The following CTNS variants were observed in gnomAD, a reference collection of about 807,000 sequenced individuals.
CTNS encodes the protein cystinosin, lysosomal cystine transporter.
CTNS carries 27 observed loss-of-function variants against 43.7 expected under a neutral mutation model. That is an observed-to-expected ratio of 0.62 (90% CI 0.46 to 0.85). The LOEUF is 0.85. Among genes scored for constraint, CTNS ranks in the 40% least tolerant of loss-of-function variants. The probability of loss-of-function intolerance (pLI) is 0.00; values close to 1 mark genes in which losing one functional copy is unlikely to be tolerated. For missense variants in CTNS, 457 were observed against 475.4 expected (o/e 0.96, Z 0.36); for synonymous variants, 187 against 190.6 (o/e 0.98, Z 0.16).
At chr17:3,654,977 G>T in intron 5 of CTNS, 21 bp from the exon 6 acceptor site, 2 of 1,569,928 alleles carry the variant, frequency 1.3e-6, no homozygotes, top group South Asian at 2.2e-5. Flanking sequence ...GCATCGGATT[G>T]AACCTCAGTC....
chr17:3,651,973 C>A (rs373517031), intron 5 of CTNS, among the ~76,000 whole-genome samples: 565 of 117,674 alleles, frequency 4.8e-3, no homozygotes, highest in Non-Finnish European at 6.0e-3. Context: ...GACCCTGTCT[C>A]AAAAAAAAAG....
At chr17:3,639,525 G>A (rs182932716) in intron 2 of CTNS, among the ~76,000 whole-genome samples, 143 of 152,044 alleles carry the variant, frequency 9.4e-4, no homozygotes, top group African/African-American at 3.3e-3. Flanking sequence ...AAAGTTAGCC[G>A]GGCATGGTGG....
At chr17:3,659,771 T>C in intron 10 of CTNS, 87 bp from the exon 11 acceptor site, 2 of 948,488 alleles carry the variant, frequency 2.1e-6, no homozygotes, top group South Asian at 1.3e-5. Context: ...GAGAACCGCT[T>C]TTGTTTGGAG....
At chr17:3,659,194 G>GC (rs201960729) in intron 10 of CTNS, among the ~76,000 whole-genome samples, 7,863 of 152,090 alleles carry the variant, frequency 0.052, 281 homozygotes, top group Admixed American at 0.082. Flanking sequence ...CTGCCTCACG[G>GC]GGGGAAGGAA....
At chr17:3,657,475 C>T (rs1054329791) in intron 9 of CTNS, among the ~76,000 whole-genome samples, 1 of 152,198 alleles carries the variant, frequency 6.6e-6, no homozygotes, top group African/African-American at 2.4e-5. Flanking sequence ...TGTCTGGCCC[C>T]ACCCGTATGA....
At chr17:3,659,408 G>T (rs1277701826) in intron 10 of CTNS, among the ~76,000 whole-genome samples, 5 of 152,226 alleles carry the variant, frequency 3.3e-5, no homozygotes, top group African/African-American at 9.6e-5. Flanking sequence ...AAGACAGCAG[G>T]CTCCGGTGAT....
intron 10 of CTNS, among the ~76,000 whole-genome samples, chr17:3,658,595 TC>T (rs1022490310): frequency 6.6e-6 from 1 of 152,190 alleles, no homozygotes; most frequent in African/African-American, 2.4e-5. Context: ...CCTCTTCAGA[TC>T]CGGGGACTCA....
Position 3,647,513 on chromosome 17 carries a change from T to C in CTNS, c.131T>C (p.Leu44Pro), listed in dbSNP as rs1465751698. ...AACGGCAGCTCGACCAACGTCAGCCTCACCCTGCGGTAAGTTCCTGGGCCT... is the reference window on the plus strand; with the variant it reads ...AACGGCAGCTCGACCAACGTCAGCCCCACCCTGCGGTAAGTTCCTGGGCCT... Reference protein sequence around the residue: ...LENGSSTNVSLTLRPPLNATL... With the variant: ...LENGSSTNVSPTLRPPLNATL... The change falls in exon 4 of 12, where the codon CTC becomes CCC. Residue 44 changes from leucine to proline, a missense_variant. Leu to Pro is a moderately conservative substitution (Grantham distance 98). Transcript: ENST00000046640. 6.8e-6 allele frequency: 11 copies of C among 1,613,964 alleles called. No homozygotes were observed. Among genetic ancestry groups the C allele is most frequent in the Non-Finnish European group, 8.5e-6 (10 of 1,179,952 alleles).
At chr17:3,654,924 G>A in intron 5 of CTNS, 74 bp from the exon 6 acceptor site, 3 of 1,045,390 alleles carry the variant, frequency 2.9e-6, no homozygotes, top group Non-Finnish European at 4.5e-6. Flanking sequence ...CTAGCGTGTT[G>A]CATAGAGCTA....
At position 3,652,286 on chromosome 17, in the gene CTNS, A is replaced by G. The variant is rs562355859; in HGVS notation, c.226-2712A>G. ...CAGCCTTGTGAAGATTAAAAGCACA[A>G]ACAAGTATAAAATGTCTAGGATTGA... On this transcript the variant is annotated intron_variant, in intron 5 of 11. Coordinates refer to ENST00000046640, the MANE Select transcript of CTNS (RefSeq NM_004937.3). 3.9e-5 allele frequency among the ~76,000 whole-genome samples: 6 copies of G among 152,284 alleles called. No homozygotes were observed. The Middle Eastern group carries it at 0.014, about 345-fold the overall frequency.
intron 10 of CTNS, 69 bp from the exon 11 acceptor site, chr17:3,659,789 C>T: frequency 2.7e-6 from 3 of 1,121,082 alleles, no homozygotes; most frequent in East Asian, 2.4e-5. Context: ...GAGGGGCAGT[C>T]ACGAGGCGCA....
At position 3,640,162 on chromosome 17, in the gene CTNS, TTCTC is replaced by T. The variant is rs762229525; in HGVS notation, c.-19-22_-19-19del. The T allele has an allele frequency of 3.2e-6, 5 of 1,583,106 alleles. No individual in the cohort carries two copies. The South Asian group carries it at 5.5e-5, about 18-fold the overall frequency. ...GAGCTGATTCAACATTCCCCTGAAC[TTCTC>T]TCTTGCTGTTTTTCTTCCTAGTTCT... is the stretch of plus-strand genomic sequence containing the variant. On this transcript the variant is annotated intron_variant, in intron 2 of 11. Transcript: ENST00000046640.
intron 5 of CTNS, among the ~76,000 whole-genome samples, chr17:3,654,432 GGGA>G (rs1198114081): frequency 2.6e-5 from 4 of 152,114 alleles, no homozygotes; most frequent in Non-Finnish European, 5.9e-5. Context: ...CCAGCACTTT[GGGA>G]GGCCGAGGTG....
chr17:3,650,381 C>T, intron 5 of CTNS: 6 of 1,534,386 alleles, frequency 3.9e-6, no homozygotes, highest in Non-Finnish European at 5.3e-6. Flanking sequence ...ACTTGGGAGG[C>T]TGAGGCAGGA....
rs1370068499 is a variant in CTNS, at chr17:3,659,833, C to G, written c.853-25C>G. ...CCGCCCAGCCCTCACCGCCCTCCGT[C>G]TGTCTGTCCGTCTGTCTGGCCCAGG... On this transcript the variant is annotated intron_variant, in intron 10 of 11. Coordinates refer to ENST00000046640, the MANE Select transcript of CTNS (RefSeq NM_004937.3). 1.9e-6 allele frequency: 3 copies of G among 1,580,196 alleles called. No homozygotes were observed. In the East Asian group the frequency reaches 6.7e-5, roughly 35 times the overall value.
intron 5 of CTNS, among the ~76,000 whole-genome samples, chr17:3,651,695 G>A (rs562487675): frequency 3.9e-5 from 6 of 152,014 alleles, no homozygotes; most frequent in South Asian, 2.1e-4. Context: ...TGAGAGGCTG[G>A]GCACCGTGGG....
At chr17:3,656,996 C>A in intron 9 of CTNS, 1 of 769,768 alleles carries the variant, frequency 1.3e-6, no homozygotes, top group Non-Finnish European at 2.1e-6. Context: ...CAGGGAGAGG[C>A]AGTGCCTGGA....
intron 10 of CTNS, 35 bp from the exon 11 acceptor site, chr17:3,659,814 AGCCCTCACC>A: frequency 6.8e-7 from 1 of 1,476,096 alleles, no homozygotes; most frequent in South Asian, 1.1e-5. Context: ...GCAGCCGCCC[AGCCCTCACC>A]GCCCTCCGTC....
At chr17:3,640,714 G>A (rs1004671923) in intron 3 of CTNS, among the ~76,000 whole-genome samples, 136 of 152,180 alleles carry the variant, frequency 8.9e-4, no homozygotes, top group African/African-American at 3.2e-3. Flanking sequence ...CCTGGGCAAC[G>A]TAGTGAAACC....
Sources: gnomAD v4.1 joint callset for allele counts (sites outside exome capture counted in the v4.1 genomes callset) on GRCh38, gnomAD v4.1.1 for gene constraint, MANE v1.5 for transcripts, NCBI Gene and HGNC (gene_info 2026-07-23, HGNC 2026-07-21) for gene names.